Variants in ZNF527 observed in about 807,000 individuals in gnomAD.
ZNF527 encodes the protein zinc finger protein 527.
ZNF527 carries 5 observed loss-of-function variants against 13.5 expected under a neutral mutation model. The ratio of observed to expected loss-of-function variants is 0.37; its 90% CI spans 0.19 to 0.78. The LOEUF (loss-of-function observed/expected upper bound fraction) is 0.78. ZNF527 is among the 30% of genes least tolerant of loss of function. The probability of loss-of-function intolerance (pLI) is 0.48; values close to 1 mark genes in which losing one functional copy is unlikely to be tolerated. For synonymous variants in ZNF527, 209 were observed against 243.1 expected, an observed-to-expected ratio of 0.86 and a Z score of 1.30; for missense variants, 628 against 726.4, an observed-to-expected ratio of 0.86 and a Z score of 1.56.
chr19:37,377,419 A>C (rs1162357584), intron 2 of ZNF527, among the ~76,000 whole-genome samples: 1 of 152,100 alleles, frequency 6.6e-6, no homozygotes, highest in Non-Finnish European at 1.5e-5. Flanking sequence ...GTGGTTCGAG[A>C]GAGAGTTATG....
chr19:37,374,079 C>A (rs2040580400), intron 1 of ZNF527, 79 bp from the exon 2 acceptor site: 4 of 904,846 alleles, frequency 4.4e-6, no homozygotes. Flanking sequence ...AAGAAAGGGG[C>A]AGTAGTATTT....
Position 37,389,059 on chromosome 19 carries a change from A to G in ZNF527, c.1010A>G (p.Lys337Arg). The G allele has an allele frequency of 6.2e-7, 1 of 1,614,246 alleles. No homozygotes were observed. Among genetic ancestry groups the G allele is most frequent in the Non-Finnish European group, 8.5e-7 (1 of 1,180,036 alleles). ...CCTTATGAATGTAAGGAATGTAACA[A>G]AGCTTTCAGACAGAGTGCTCACCTT... Reference protein sequence around the residue: ...EKPYECKECNKAFRQSAHLAQ... With the variant: ...EKPYECKECNRAFRQSAHLAQ... Residue 337 changes from lysine to arginine, a missense_variant, in exon 5 of 5, where the codon AAA becomes AGA. Around this residue, in one of 3 missense-constraint regions of ZNF527, gnomAD observed 592 missense variants for 678.0 expected, o/e 0.87. Coordinates refer to ENST00000436120, the MANE Select transcript of ZNF527 (RefSeq NM_032453.2).
chr19:37,384,643 A>T (rs1455426455), intron 4 of ZNF527, among the ~76,000 whole-genome samples: 1 of 152,242 alleles, frequency 6.6e-6, no homozygotes, highest in East Asian at 1.9e-4. Context: ...GTGTCTGAGA[A>T]TGGCATTTCC....
In ZNF527 at chr19:37,391,239, T is replaced by C. The variant is rs1280270058; in HGVS notation, c.*1360T>C. 1 of 152,142 alleles carries C rather than the reference T, an allele frequency of 6.6e-6. No individual in the cohort carries two copies. The highest frequency in any genetic ancestry group is 1.5e-5 in the Non-Finnish European group (1 of 68,030). 9.4% of individuals were successfully genotyped at this position (152,142 alleles called of 1,614,324 possible). On this transcript the variant is annotated 3_prime_UTR_variant, in exon 5 of 5. Transcript: ENST00000436120. ...ATTCTGTGGCAGAATATAATAACAA[T>C]TAAATTGTAAATGAGGTCTTTTGTG...
intron 4 of ZNF527, among the ~76,000 whole-genome samples, chr19:37,381,354 A>C (rs2040652383): frequency 6.6e-6 from 1 of 152,122 alleles, no homozygotes; most frequent in Non-Finnish European, 1.5e-5. Context: ...CTCTCCTGGA[A>C]TCCTCAGATA....
intron 4 of ZNF527, 106 bp from the exon 5 acceptor site, chr19:37,388,200 T>G: frequency 7.5e-7 from 1 of 1,341,144 alleles, no homozygotes. Flanking sequence ...ACCACAGACT[T>G]TCTACCCTCC....
intron 2 of ZNF527, among the ~76,000 whole-genome samples, chr19:37,375,252 T>TTC (rs1405862275): frequency 1.0e-5 from 1 of 98,174 alleles, no homozygotes; most frequent in Non-Finnish European, 2.0e-5. Context: ...TTTTCTTTCT[T>TTC]TCTTTCTTTC....
intron 4 of ZNF527, chr19:37,384,836 C>T (rs1026816287): frequency 9.0e-6 from 6 of 663,232 alleles, no homozygotes; most frequent in African/African-American, 3.6e-5. Flanking sequence ...ATTACCTGCT[C>T]ATACATTTTT....
intron 1 of ZNF527, among the ~76,000 whole-genome samples, chr19:37,372,467 C>CTTTTTTTTTTTTTTTTTTTTTTTTT (rs1022024971): frequency 1.2e-3 from 79 of 65,628 alleles, no homozygotes; most frequent in Non-Finnish European, 1.8e-3. Context: ...CTTTTCTTTT[C>CTTTTTTTTTTTTTTTTTTTTTTTTT]TTTTTTTTTT....
In ZNF527 at chr19:37,389,564, A is replaced by G. The variant is rs1057031154; in HGVS notation, c.1515A>G (p.Lys505=). The G allele has an allele frequency of 1.9e-5, 31 of 1,614,054 alleles. No individual in the cohort carries two copies. Among genetic ancestry groups the G allele is most frequent in the Non-Finnish European group, 2.5e-5 (29 of 1,180,048 alleles). Residue 505 remains lysine, a synonymous_variant, in exon 5 of 5, where the codon AAA becomes AAG. Coordinates refer to ENST00000436120, the MANE Select transcript of ZNF527 (RefSeq NM_032453.2). The part of the protein sequence containing the change: ...ERPFECSKCG[K]AFSDALVLIH... ...CATTTGAATGCAGTAAATGTGGGAA[A>G]GCCTTCAGTGATGCTTTAGTTCTAA...
At position 37,389,178 on chromosome 19, in the gene ZNF527, C is replaced by G; in HGVS notation, c.1129C>G (p.Gln377Glu). The change falls in exon 5 of 5, where the codon CAG (glutamine) becomes GAG (glutamate). Residue 377 changes from glutamine to glutamate, a missense_variant. Physicochemically the swap from Gln to Glu is conservative, Grantham distance 29 (BLOSUM62 2). Coordinates refer to ENST00000436120, the MANE Select transcript of ZNF527 (RefSeq NM_032453.2). ...FSRYAFLVEH[Q>E]RIHTGEKPYE... is the part of the protein sequence containing the mutation. ...CCGTTATGCCTTCCTTGTTGAACAT[C>G]AGAGAATTCACACAGGTGAGAAACC... 1.2e-6 allele frequency: 2 copies of G among 1,614,092 alleles called. No homozygotes were observed. The highest frequency in any genetic ancestry group is 2.2e-5 in the South Asian group (2 of 91,082).
chr19:37,371,218 CG>C lies in ZNF527; in HGVS notation c.-49del, dbSNP rs1247070670. ...CGGGGCCCGTTTGCAGAGCCCGCGG[CG>C]CCGGGAGGTGAGTGGGGCCGGGCCC... On this transcript the variant is annotated 5_prime_UTR_variant, in exon 1 of 5. The change creates a premature stop within an existing upstream ORF in the 5' untranslated region. Transcript: ENST00000436120. 1 of 152,608 alleles carries C rather than the reference CG, an allele frequency of 6.6e-6. No individual in the cohort carries two copies. The highest frequency in any genetic ancestry group is 6.5e-5 in the Admixed American group (1 of 15,278). 9.5% of individuals were successfully genotyped at this position (152,608 alleles called of 1,614,324 possible).
At chr19:37,377,077 A>G (rs1329865373) in intron 2 of ZNF527, among the ~76,000 whole-genome samples, 1 of 152,218 alleles carries the variant, frequency 6.6e-6, no homozygotes, top group African/African-American at 2.4e-5. Flanking sequence ...TAAGAGGAGT[A>G]GAGAAATGGG....
intron 2 of ZNF527, among the ~76,000 whole-genome samples, chr19:37,374,663 G>A (rs938939623): frequency 2.6e-5 from 4 of 152,218 alleles, no homozygotes; most frequent in African/African-American, 7.2e-5. Flanking sequence ...AACATGTTTG[G>A]TGTATTCCAG....
chr19:37,371,466 A>C (rs576468889), intron 1 of ZNF527, among the ~76,000 whole-genome samples: 1 of 152,178 alleles, frequency 6.6e-6, no homozygotes, highest in East Asian at 1.9e-4. Flanking sequence ...TCTGGGGGTG[A>C]AACTGTGAAT....
rs904565691 is a variant in ZNF527, at chr19:37,382,365, C to CT, written c.256+2000dup. On this transcript the variant is annotated intron_variant, in intron 4 of 4. Transcript: ENST00000436120. ...CACACCCCTATATTTATTTCTGCCTCTTTTTTTCCCATTTTTTATTACCTC... is the reference window on the plus strand; with the variant it reads ...CACACCCCTATATTTATTTCTGCCTCTTTTTTTTCCCATTTTTTATTACCTC... Among the ~76,000 whole-genome samples, 6 of 151,848 alleles carry CT rather than the reference C, an allele frequency of 4.0e-5. No individual in the cohort carries two copies. In the East Asian group the frequency reaches 5.8e-4, roughly 15 times the overall value.
chr19:37,392,007 AACTTAT>A lies in ZNF527; in HGVS notation c.*2135_*2140del, dbSNP rs760177201. On this transcript the variant is annotated 3_prime_UTR_variant, in exon 5 of 5. Transcript: ENST00000436120. ...TATGTGTGCATAGAGTGAAATATTCAACTTATACTTATTTCTAATAAAATCTGAAAA... is the reference window on the plus strand; with the variant it reads ...TATGTGTGCATAGAGTGAAATATTCAACTTATTTCTAATAAAATCTGAAAA... 12 of 152,354 alleles carry A rather than the reference AACTTAT, an allele frequency of 7.9e-5. No homozygotes were observed. Among genetic ancestry groups the A allele is most frequent in the East Asian group, 3.9e-4 (2 of 5,192 alleles). 9.4% of individuals were successfully genotyped at this position (152,354 alleles called of 1,614,324 possible).
In ZNF527 at chr19:37,389,940, G is replaced by A; in HGVS notation, c.*61G>A. 6.7e-7 allele frequency: 1 copy of A among 1,502,546 alleles called. No individual in the cohort carries two copies. Among genetic ancestry groups the A allele is most frequent in the Non-Finnish European group, 8.8e-7 (1 of 1,134,382 alleles). 93.1% of individuals were successfully genotyped at this position (1,502,546 alleles called of 1,614,324 possible). A position where few individuals can be genotyped will look rare whatever the true frequency, so the allele number is the denominator to read the frequency against. The stretch of plus-strand genomic sequence containing the variant: ...CACTCAATCCTTATTAAATATTAGT[G>A]AGTTCTTTTTGGTTAGTAATTCTTT... On this transcript the variant is annotated 3_prime_UTR_variant, in exon 5 of 5. Transcript: ENST00000436120.
At position 37,388,605 on chromosome 19, in the gene ZNF527, A is replaced by G; in HGVS notation, c.556A>G (p.Thr186Ala). ...SVFLTQQKVP[T>A]IQQVHKFDIY... ...ATTTTTAACACAACAGAAAGTTCCT[A>G]CCATACAGCAAGTACATAAATTTGA... Residue 186 changes from threonine (T) to alanine (A), a missense_variant, in exon 5 of 5, where the codon ACC becomes GCC. Thr to Ala is a moderately conservative substitution (Grantham distance 58, BLOSUM62 0). Around this residue, in one of 3 missense-constraint regions of ZNF527, gnomAD observed 592 missense variants for 678.0 expected, o/e 0.87. Coordinates refer to ENST00000436120, the MANE Select transcript of ZNF527 (RefSeq NM_032453.2). 1 of 1,614,138 alleles carries G rather than the reference A, an allele frequency of 6.2e-7. No individual in the cohort carries two copies. The highest frequency in any genetic ancestry group is 8.5e-7 in the Non-Finnish European group (1 of 1,179,994).
Sources: gnomAD v4.1 joint callset for allele counts (sites outside exome capture counted in the v4.1 genomes callset) on GRCh38, gnomAD v4.1.1 for gene constraint, gnomAD v4.1.1 regional missense constraint, MANE v1.5 for transcripts, NCBI Gene and HGNC (gene_info 2026-07-23, HGNC 2026-07-21) for gene names.